EPHA8: variants seen among roughly 807,000 people sequenced by gnomAD.
EPHA8 encodes ephrin type-A receptor 8.
Under a neutral mutation model 103.6 loss-of-function variants are expected in EPHA8, and 58 were observed. That is an observed-to-expected ratio of 0.56 (90% CI 0.45 to 0.70). The LOEUF is 0.70. EPHA8 is among the 30% of genes least tolerant of loss of function. The probability of loss-of-function intolerance (pLI) is 0.00; values close to 1 mark genes in which losing one functional copy is unlikely to be tolerated. For synonymous variants in EPHA8, 559 were observed against 572.5 expected, an observed-to-expected ratio of 0.98 and a Z score of 0.34; for missense variants, 1,304 against 1,395.2, an observed-to-expected ratio of 0.93 and a Z score of 1.04.
chr1:22,565,472 C>T (rs209735), intron 1 of EPHA8, among the ~76,000 whole-genome samples: 144,822 of 152,202 alleles, frequency 0.95, 68,918 homozygotes, highest in South Asian at 0.97. Context: ...GAGCTGCACC[C>T]GAGAAGACGG....
rs1425666628 is a variant in EPHA8 at position 22,593,419 on chromosome 1, T to C, written c.1409T>C (p.Ile470Thr). The part of the protein sequence containing the change: ...WQEPEQPNGI[I>T]LEYEIKYYEK... ...GAGCCCGAGCAGCCGAACGGCATCATCCTGGAGTATGAGATCAAGTACTAC... is the reference window on the plus strand; with the variant it reads ...GAGCCCGAGCAGCCGAACGGCATCACCCTGGAGTATGAGATCAAGTACTAC... The change falls in exon 6 of 17, where the codon ATC (isoleucine) becomes ACC (threonine). Residue 470 changes from isoleucine (I) to threonine (T), a missense_variant. Ile to Thr is a moderately conservative substitution (Grantham distance 89). Coordinates refer to ENST00000166244, the MANE Select transcript of EPHA8 (RefSeq NM_020526.5). The C allele has an allele frequency of 6.2e-7, 1 of 1,606,214 alleles. No homozygotes were observed. The highest frequency in any genetic ancestry group is 8.5e-7 in the Non-Finnish European group (1 of 1,177,258).
intron 1 of EPHA8, among the ~76,000 whole-genome samples, chr1:22,564,231 G>A (rs1433822762): frequency 6.6e-6 from 1 of 151,784 alleles, no homozygotes; most frequent in African/African-American, 2.4e-5. Context: ...TAGGAGCCAG[G>A]CGCTGAGAAA....
chr1:22,565,789 CTG>C (rs1557548108), intron 1 of EPHA8, among the ~76,000 whole-genome samples: 1 of 152,156 alleles, frequency 6.6e-6, no homozygotes, highest in Non-Finnish European at 1.5e-5. Context: ...GTGGGGAAGT[CTG>C]TGTCCATGGT....
chr1:22,593,278 C>T (rs774225565), intron 5 of EPHA8, 48 bp from the exon 6 acceptor site: 8 of 1,537,470 alleles, frequency 5.2e-6, no homozygotes. Flanking sequence ...GGGAGAGAGG[C>T]CACGCCTTGT....
At chr1:22,586,730 C>A in intron 4 of EPHA8, 95 bp downstream of exon 4, 2 of 1,458,600 alleles carry the variant, frequency 1.4e-6, no homozygotes, top group Non-Finnish European at 9.3e-7. Context: ...CAGTTCTCTG[C>A]TGGTGGGGCA....
chr1:22,587,567 CAT>C (rs1389567149), intron 4 of EPHA8, among the ~76,000 whole-genome samples: 2 of 152,210 alleles, frequency 1.3e-5, no homozygotes, highest in Admixed American at 1.3e-4. Context: ...TCTCTCCTCT[CAT>C]GTGTCCTAAC....
In EPHA8 at chr1:22,597,295, C is replaced by T. The variant is rs1454743828; in HGVS notation, c.1766-17C>T. On this transcript the variant is annotated splice_polypyrimidine_tract_variant and intron_variant, in intron 9 of 16. Transcript: ENST00000166244. This position sits in a 1 kb window ranked among gnomAD's most constrained non-coding sequence, Gnocchi z 4.6. ...TCTCTCCTGGGCCCCACTGAAGGCC[C>T]TCCTCCCGCCCCTCAGCACCCCCAC... is the stretch of plus-strand genomic sequence containing the variant. 1.3e-6 allele frequency: 2 copies of T among 1,587,196 alleles called. No homozygotes were observed. The highest frequency in any genetic ancestry group is 1.7e-6 in the Non-Finnish European group (2 of 1,160,884).
In EPHA8 at chr1:22,576,296, A is replaced by G. The variant is rs376900516; in HGVS notation, c.239A>G (p.Gln80Arg). Residue 80 changes from glutamine to arginine, a missense_variant, in exon 3 of 17, where the codon CAG (glutamine) becomes CGG (arginine). Coordinates refer to ENST00000166244, the MANE Select transcript of EPHA8 (RefSeq NM_020526.5). The surrounding 1 kb of genome is among the most constrained non-coding windows in gnomAD (Gnocchi z 4.8). ...YQVCNVMSPN[Q>R]NNWLRTSWVP... Reference sequence around the variant, plus strand: ...GTTTGCAACGTCATGAGCCCCAACCAGAACAACTGGCTGCGCACGAGCTGG... The same window carrying G: ...GTTTGCAACGTCATGAGCCCCAACCGGAACAACTGGCTGCGCACGAGCTGG... The G allele has an allele frequency of 2.2e-5, 35 of 1,613,736 alleles. No individual in the cohort carries two copies. Among genetic ancestry groups the G allele is most frequent in the Non-Finnish European group, 2.9e-5 (34 of 1,180,010 alleles).
In EPHA8 at chr1:22,589,056, C is replaced by T; in HGVS notation, c.1165C>T (p.Gln389Ter). ...CGSGTRFVPQ[Q>*]TSLVQASLLV... is the part of the protein sequence containing the mutation. ...GAGCGGCACCCGCTTTGTGCCCCAG[C>T]AGACAAGCCTGGTGCAGGCCAGCCT... is the stretch of plus-strand genomic sequence containing the variant. The change falls in exon 5 of 17, where the codon CAG (glutamine) becomes TAG (stop). Residue 389 changes from glutamine to a stop codon, truncating the protein, a stop_gained. Transcript: ENST00000166244. LOFTEE classifies it high-confidence loss of function. This position sits in a 1 kb window ranked among gnomAD's most constrained non-coding sequence, Gnocchi z 4.3. The T allele has an allele frequency of 6.2e-7, 1 of 1,613,044 alleles. No individual in the cohort carries two copies. The highest frequency in any genetic ancestry group is 8.5e-7 in the Non-Finnish European group (1 of 1,179,612).
chr1:22,600,781 C>T lies in EPHA8; in HGVS notation c.2509C>T (p.Arg837Trp), dbSNP rs201817606. Residue 837 changes from arginine (R) to tryptophan (W), a missense_variant, in exon 14 of 17, where the codon CGG (arginine) becomes TGG (tryptophan). Transcript: ENST00000166244. ...GTGGGAGGTGCTGGCCTATGGGGAG[C>T]GGCCCTACTGGAACATGACCAACCG... ...VMWEVLAYGE[R>W]PYWNMTNRDV... 6.5e-4 allele frequency: 1,042 copies of T among 1,610,212 alleles called. 10 individuals carry two copies. In the South Asian group the frequency reaches 0.01, roughly 16 times the overall value.
Position 22,597,353 on chromosome 1 carries a change from AAGCTCCCAG to A in EPHA8, c.1811_1819del (p.Leu604_Glu606del), listed in dbSNP as rs1424048268. The A allele has an allele frequency of 6.2e-7, 1 of 1,611,988 alleles. No individual in the cohort carries two copies. The highest frequency in any genetic ancestry group is 1.7e-5 in the Admixed American group (1 of 59,836). ...CCTGCCTCTGCATCACCCCCCGGGA[AAGCTCCCAG>A]AGCCCCAGTTCTATGCGGAACCCCA... On this transcript the variant is annotated inframe_deletion, in exon 10 of 17. Coordinates refer to ENST00000166244, the MANE Select transcript of EPHA8 (RefSeq NM_020526.5). This position sits in a 1 kb window ranked among gnomAD's most constrained non-coding sequence, Gnocchi z 4.6.
At chr1:22,584,681 T>C (rs1641140023) in intron 3 of EPHA8, among the ~76,000 whole-genome samples, 1 of 152,148 alleles carries the variant, frequency 6.6e-6, no homozygotes, top group Admixed American at 6.5e-5. Flanking sequence ...GTGGTCCCTG[T>C]TGCAAAGGAC....
At chr1:22,588,232 C>T (rs1641270728) in intron 4 of EPHA8, among the ~76,000 whole-genome samples, 1 of 152,150 alleles carries the variant, frequency 6.6e-6, no homozygotes, top group Non-Finnish European at 1.5e-5. Context: ...ACCCCCATGC[C>T]CTCTTGGCTC....
At chr1:22,577,107 G>A (rs1046989037) in intron 3 of EPHA8, among the ~76,000 whole-genome samples, 2 of 152,166 alleles carry the variant, frequency 1.3e-5, no homozygotes, top group African/African-American at 4.8e-5. Context: ...AGGGGAGAGG[G>A]AGGGAAACAG....
chr1:22,601,755 G>C lies in EPHA8; in HGVS notation c.*14G>C. The C allele has an allele frequency of 6.4e-7, 1 of 1,551,888 alleles. No individual in the cohort carries two copies. Among genetic ancestry groups the C allele is most frequent in the Non-Finnish European group, 8.7e-7 (1 of 1,148,216 alleles). On this transcript the variant is annotated 3_prime_UTR_variant, in exon 17 of 17. Transcript: ENST00000166244. ...CGGCACCTCTGATGTACAGCCAGCA[G>C]GGCCCAGGCAGCCACCAAGCCCACC...
In EPHA8 at chr1:22,600,999, G is replaced by T. The variant is rs150399375; in HGVS notation, c.2640G>T (p.Ala880=). ...LMLDCWHKDR[A]QRPRFSQIVS... ...TCGACTGTTGGCACAAGGACCGGGC[G>T]CAGCGGCCTCGCTTCTCCCAGATTG... Residue 880 remains alanine (A), a synonymous_variant, in exon 15 of 17, where the codon GCG becomes GCT. Transcript: ENST00000166244. The T allele has an allele frequency of 4.4e-5, 71 of 1,612,820 alleles. No individual in the cohort carries two copies. The highest frequency in any genetic ancestry group is 5.6e-5 in the Non-Finnish European group (66 of 1,179,894).
rs1326151126 is a variant in EPHA8 at position 22,576,345 on chromosome 1, C to T, written c.288C>T (p.Arg96=). 1.9e-6 allele frequency: 3 copies of T among 1,613,678 alleles called. No homozygotes were observed. The highest frequency in any genetic ancestry group is 1.3e-5 in the African/African-American group (1 of 74,888). Residue 96 remains arginine, a synonymous_variant, in exon 3 of 17, where the codon CGC becomes CGT. Transcript: ENST00000166244. This position sits in a 1 kb window ranked among gnomAD's most constrained non-coding sequence, Gnocchi z 4.8. ...TSWVPRDGAR[R]VYAEIKFTLR... ...GGGTCCCCCGAGACGGCGCCCGGCG[C>T]GTCTATGCTGAGATCAAGTTTACCC...
intron 3 of EPHA8, among the ~76,000 whole-genome samples, chr1:22,578,829 C>CTG (rs149067449): frequency 7.2e-6 from 1 of 138,098 alleles, no homozygotes; most frequent in Admixed American, 7.2e-5. Context: ...ATGTGCATGC[C>CTG]TGTGTGTATA....
At chr1:22,600,004 G>A (rs1449521201) in intron 13 of EPHA8, among the ~76,000 whole-genome samples, 1 of 128,162 alleles carries the variant, frequency 7.8e-6, no homozygotes, top group East Asian at 2.6e-4. Flanking sequence ...AAGGAGGGAC[G>A]GAGGGAAGGA....
Sources: allele counts gnomAD v4.1 joint callset (sites outside exome capture counted in the v4.1 genomes callset), GRCh38; gene constraint gnomAD v4.1.1; non-coding constraint Gnocchi (gnomAD v3.1); transcripts MANE v1.5; gene names NCBI Gene and HGNC (gene_info 2026-07-23, HGNC 2026-07-21).